The following GSE1 variants were observed in gnomAD, a reference collection of about 807,000 sequenced individuals.
GSE1 encodes Gse1 coiled-coil protein.
A neutral mutation model predicts 112.6 loss-of-function variants in GSE1; 32 were observed. That is an observed-to-expected ratio of 0.28 (90% confidence interval 0.21 to 0.38). The LOEUF (loss-of-function observed/expected upper bound fraction) is 0.38, where lower values mean the gene tolerates loss of function less well. Among genes scored for constraint, GSE1 ranks in the 10% least tolerant of loss-of-function variants. The pLI is 1.00. For synonymous variants in GSE1, 1,115 were observed against 735.6 expected (o/e 1.52, Z -8.35); for missense variants, 2,348 against 1,699.2 (o/e 1.38, Z -6.71).
chr16:85,440,065 G>A (rs2049340844), intron 2 of GSE1, among the ~76,000 whole-genome samples: 1 of 152,262 alleles, frequency 6.6e-6, no homozygotes, highest in South Asian at 2.1e-4. Flanking sequence ...TTTAAGCCCT[G>A]AGCAAATTGA....
intron 2 of GSE1, among the ~76,000 whole-genome samples, chr16:85,408,918 T>C (rs1359046023): frequency 3.4e-4 from 1 of 2,966 alleles, no homozygotes; most frequent in African/African-American, 4.5e-4. Context: ...CAGGCCCCCC[T>C]GGATAATCCT....
At chr16:85,448,704 G>A (rs756387608) in intron 2 of GSE1, among the ~76,000 whole-genome samples, 9 of 152,214 alleles carry the variant, frequency 5.9e-5, no homozygotes, top group Non-Finnish European at 1.2e-4. Context: ...GGGCTCCGGG[G>A]GCACCACTGG....
chr16:85,451,868 C>T (rs557523546), intron 2 of GSE1, among the ~76,000 whole-genome samples: 1 of 152,184 alleles, frequency 6.6e-6, no homozygotes, highest in Admixed American at 6.5e-5. Flanking sequence ...ATGGTTTGCC[C>T]GGTGGAGACA....
chr16:85,663,848 C>G (rs1387617679), intron 11 of GSE1, among the ~76,000 whole-genome samples: 2 of 152,268 alleles, frequency 1.3e-5, no homozygotes, highest in Non-Finnish European at 1.5e-5. Flanking sequence ...TGAGGACTAC[C>G]CATGTCACTC....
chr16:85,512,074 G>A (rs140337186), intron 2 of GSE1, among the ~76,000 whole-genome samples: 1 of 152,268 alleles, frequency 6.6e-6, no homozygotes, highest in African/African-American at 2.4e-5. Flanking sequence ...GCAATGTGTG[G>A]GTGGGAGCAG....
At position 85,412,918 on chromosome 16, in the gene GSE1, G is replaced by C. The variant is rs543213509; in HGVS notation, c.2464+55275G>C. 2.6e-5 allele frequency among the ~76,000 whole-genome samples: 4 copies of C among 152,318 alleles called. No homozygotes were observed. In the South Asian group the frequency reaches 8.3e-4, roughly 32 times the overall value. On this transcript the variant is annotated intron_variant, in intron 2 of 2. Transcript: ENST00000637419. ...GGGGGCCGTGATCCAGCCCACCCCA[G>C]CCCCTGTGTGACTGTATTGACCATG...
intron 1 of GSE1, among the ~76,000 whole-genome samples, chr16:85,288,054 A>G (rs2045093537): frequency 6.6e-6 from 1 of 152,162 alleles, no homozygotes; most frequent in Non-Finnish European, 1.5e-5. Context: ...AGCCTGGCCA[A>G]CATGATGAAA....
rs768479598 is a variant in GSE1 at position 85,672,560 on chromosome 16, C to CGAACCTATAG, written c.*22_*31dup. 2.6e-6 allele frequency: 4 copies of CGAACCTATAG among 1,553,176 alleles called. No homozygotes were observed. The highest frequency in any genetic ancestry group is 3.5e-6 in the Non-Finnish European group (4 of 1,133,922). On this transcript the variant is annotated 3_prime_UTR_variant, in exon 16 of 16. Transcript: ENST00000253458. ...GGTGACGGTTTCCCTTGCACTAGGCCGAACCTATAGTATAGAAATATTATC... is the reference window on the plus strand; with the variant it reads ...GGTGACGGTTTCCCTTGCACTAGGCCGAACCTATAGGAACCTATAGTATAGAAATATTATC...
intron 2 of GSE1, among the ~76,000 whole-genome samples, chr16:85,426,716 G>A (rs2049002067): frequency 6.6e-6 from 1 of 151,764 alleles, no homozygotes; most frequent in Non-Finnish European, 1.5e-5. Context: ...ATGGATGGAT[G>A]GATGGATGGA....
intron 2 of GSE1, among the ~76,000 whole-genome samples, chr16:85,399,774 TGGATTA>T (rs1333270550): frequency 4.6e-5 from 7 of 152,224 alleles, no homozygotes; most frequent in African/African-American, 1.7e-4. Flanking sequence ...GGGGGAAGAA[TGGATTA>T]GGAATCTGTG....
chr16:85,361,326 CAA>C lies in GSE1; in HGVS notation c.2464+3685_2464+3686del, dbSNP rs1465501759. On this transcript the variant is annotated intron_variant, in intron 2 of 2. Coordinates refer to the GSE1 transcript ENST00000637419. ...AGACAGGCACAGACCCCCCCACACA[CAA>C]ACACACACACACACACACAGGGGCA... is the stretch of plus-strand genomic sequence containing the variant. Among the ~76,000 whole-genome samples, 4 of 104,292 alleles carry C rather than the reference CAA, an allele frequency of 3.8e-5. No homozygotes were observed. The East Asian group carries it at 9.6e-4, about 25-fold the overall frequency. 68.4% of individuals were successfully genotyped at this position (104,292 alleles called of 152,430 possible).
intron 1 of GSE1, among the ~76,000 whole-genome samples, chr16:85,181,721 T>TG (rs1391416555): frequency 3.9e-5 from 6 of 152,034 alleles, no homozygotes; most frequent in Admixed American, 2.6e-4. Context: ...AAAAGTGGCG[T>TG]GGGGCCTCCA....
intron 2 of GSE1, among the ~76,000 whole-genome samples, chr16:85,465,881 A>G (rs2050108221): frequency 6.6e-6 from 1 of 152,240 alleles, no homozygotes; most frequent in Non-Finnish European, 1.5e-5. Context: ...TTTTCTTGCC[A>G]GACCAATGAG....
Position 85,622,970 on chromosome 16 carries a change from T to C in GSE1, c.7+9572T>C, listed in dbSNP as rs192894647. On this transcript the variant is annotated intron_variant, in intron 1 of 15. Coordinates refer to ENST00000253458, the MANE Select transcript of GSE1 (RefSeq NM_014615.5). ...GAGGAAGCTGGCTGGCCTGAGACCA[T>C]AGGGAGGGGAGGGGTGCAGACTCTG... is the stretch of plus-strand genomic sequence containing the variant. Among the ~76,000 whole-genome samples the C allele has an allele frequency of 8.7e-4, 132 of 151,936 alleles. 1 individual carries two copies. The highest frequency in any genetic ancestry group is 2.7e-3 in the African/African-American group (113 of 41,432).
intron 2 of GSE1, among the ~76,000 whole-genome samples, chr16:85,389,500 C>T (rs1284453273): frequency 1.3e-5 from 2 of 150,514 alleles, no homozygotes; most frequent in South Asian, 2.1e-4. Flanking sequence ...TAGGGTCATA[C>T]CAGGGGCTGA....
In GSE1 at chr16:85,619,509, C is replaced by T. The variant is rs187868929; in HGVS notation, c.7+6111C>T. On this transcript the variant is annotated intron_variant, in intron 1 of 15. Coordinates refer to ENST00000253458, the MANE Select transcript of GSE1 (RefSeq NM_014615.5). ...GGTTGGGGGGCAAAGCCCGGGGGTG[C>T]CAAGCGATGCCCCACAGCCCCAGAC... 1.7e-3 allele frequency among the ~76,000 whole-genome samples: 262 copies of T among 152,318 alleles called. 2 individuals carry two copies. Among genetic ancestry groups the T allele is most frequent in the African/African-American group, 6.2e-3 (258 of 41,564 alleles).
At chr16:85,327,635 AAG>A (rs2046253849) in intron 1 of GSE1, among the ~76,000 whole-genome samples, 1 of 152,116 alleles carries the variant, frequency 6.6e-6, no homozygotes, top group Admixed American at 6.6e-5. Context: ...ACAAAACTAG[AAG>A]GTTGTGGAAG....
At chr16:85,580,134 T>C (rs1197036991) in intron 1 of GSE1, 1 of 152,374 alleles carries the variant, frequency 6.6e-6, no homozygotes, top group Middle Eastern at 3.4e-3. Context: ...GGGCAGGCCA[T>C]GTGAAGAGAA....
intron 2 of GSE1, among the ~76,000 whole-genome samples, chr16:85,485,771 C>A (rs2151882596): frequency 6.6e-6 from 1 of 151,358 alleles, no homozygotes; most frequent in African/African-American, 2.5e-5. Flanking sequence ...AGCCTGATGC[C>A]ACCCTCCCTA....
Sources: gnomAD v4.1 joint callset for allele counts (sites outside exome capture counted in the v4.1 genomes callset) on GRCh38, gnomAD v4.1.1 for gene constraint, MANE v1.5 for transcripts, NCBI Gene and HGNC (gene_info 2026-07-23, HGNC 2026-07-21) for gene names.